PDE4B: variants seen among roughly 807,000 people sequenced by gnomAD.
The protein encoded by PDE4B is phosphodiesterase 4B, also known as 3',5'-cyclic-AMP phosphodiesterase 4B.
A neutral mutation model predicts 82.2 loss-of-function variants in PDE4B; 20 were observed. That is an observed-to-expected ratio of 0.24 (90% CI 0.17 to 0.35). PDE4B has a LOEUF of 0.35. Among genes scored for constraint, PDE4B ranks in the 10% least tolerant of loss-of-function variants. PDE4B has a pLI of 1.00. For synonymous variants in PDE4B, 320 were observed against 318.9 expected (o/e 1.00, Z -0.04); for missense variants, 655 against 907.2 (o/e 0.72, Z 3.57).
intron 1 of PDE4B, among the ~76,000 whole-genome samples, chr1:65,910,584 G>A (rs145577422): frequency 6.6e-6 from 1 of 152,264 alleles, no homozygotes; most frequent in East Asian, 1.9e-4. Context: ...CAAAGGGTAT[G>A]GGCAGGGTTG....
intron 3 of PDE4B, among the ~76,000 whole-genome samples, chr1:66,223,575 A>G (rs915510332): frequency 3.9e-5 from 6 of 151,920 alleles, no homozygotes; most frequent in African/African-American, 1.5e-4. Context: ...AATCATGGAG[A>G]TTTCCTCCAT....
intron 3 of PDE4B, among the ~76,000 whole-genome samples, chr1:65,988,194 A>C (rs953160544): frequency 6.6e-6 from 1 of 152,252 alleles, no homozygotes; most frequent in African/African-American, 2.4e-5. Flanking sequence ...AAAAAATGTA[A>C]GTTACATCTC....
At chr1:66,079,886 T>C (rs1656634112) in intron 3 of PDE4B, among the ~76,000 whole-genome samples, 1 of 152,130 alleles carries the variant, frequency 6.6e-6, no homozygotes, top group Non-Finnish European at 1.5e-5. Flanking sequence ...GAAATAAAAA[T>C]ACACATATAA....
At chr1:66,130,734 A>T (rs1246772681) in intron 3 of PDE4B, among the ~76,000 whole-genome samples, 1 of 152,232 alleles carries the variant, frequency 6.6e-6, no homozygotes, top group African/African-American at 2.4e-5. Context: ...CTGAAGGGTC[A>T]TCCCAGCTCC....
At chr1:66,155,855 A>G (rs1033418128) in intron 3 of PDE4B, among the ~76,000 whole-genome samples, 1 of 152,128 alleles carries the variant, frequency 6.6e-6, no homozygotes, top group African/African-American at 2.4e-5. Flanking sequence ...ATCATTACTG[A>G]CATTTATCAT....
At chr1:66,005,051 G>T (rs935668101) in intron 3 of PDE4B, among the ~76,000 whole-genome samples, 4 of 151,984 alleles carry the variant, frequency 2.6e-5, no homozygotes, top group Non-Finnish European at 5.9e-5. Flanking sequence ...GAAAGTAAGG[G>T]TACTCCATCA....
At chr1:66,340,081 T>A (rs1660861597) in intron 8 of PDE4B, among the ~76,000 whole-genome samples, 1 of 152,146 alleles carries the variant, frequency 6.6e-6, no homozygotes. Context: ...AGTCAATAGG[T>A]TTCACACTCT....
intron 3 of PDE4B, among the ~76,000 whole-genome samples, chr1:66,125,790 T>C (rs2101093313): frequency 6.6e-6 from 1 of 152,304 alleles, no homozygotes; most frequent in Non-Finnish European, 1.5e-5. Context: ...AAGCCACATA[T>C]ATTAACATTG....
intron 3 of PDE4B, among the ~76,000 whole-genome samples, chr1:65,977,574 C>T (rs1650474170): frequency 6.6e-6 from 1 of 152,148 alleles, no homozygotes; most frequent in South Asian, 2.1e-4. Flanking sequence ...ACTTTTTGTA[C>T]TTTGTGCACT....
chr1:66,150,873 G>C (rs1300733195), intron 3 of PDE4B, among the ~76,000 whole-genome samples: 1 of 152,050 alleles, frequency 6.6e-6, no homozygotes, highest in Non-Finnish European at 1.5e-5. Flanking sequence ...TTGGATTCCT[G>C]GGTTAAATCC....
chr1:66,091,791 T>C (rs1340580818), intron 3 of PDE4B, among the ~76,000 whole-genome samples: 2 of 152,088 alleles, frequency 1.3e-5, no homozygotes, highest in Admixed American at 6.6e-5. Flanking sequence ...TAAATAACTG[T>C]TAATGTATAC....
chr1:65,961,921 C>A (rs898484764), intron 3 of PDE4B, among the ~76,000 whole-genome samples: 1 of 152,102 alleles, frequency 6.6e-6, no homozygotes, highest in Admixed American at 6.6e-5. Context: ...CAGTTAAGTG[C>A]GGCTGAAGAG....
intron 3 of PDE4B, among the ~76,000 whole-genome samples, chr1:66,238,128 A>C (rs192273859): frequency 1.2e-3 from 181 of 152,316 alleles, no homozygotes; most frequent in Non-Finnish European, 1.8e-3. Flanking sequence ...AAACAAACAG[A>C]AAGACCAACA....
intron 7 of PDE4B, chr1:66,331,628 T>C (rs1421842510): frequency 2.7e-6 from 1 of 363,680 alleles, no homozygotes; most frequent in African/African-American, 2.2e-5. Flanking sequence ...GGCAACAAAT[T>C]GGAGCCCCCA....
chr1:65,840,723 C>G (rs962520347), intron 1 of PDE4B, among the ~76,000 whole-genome samples: 3 of 152,180 alleles, frequency 2.0e-5, no homozygotes, highest in African/African-American at 7.2e-5. Context: ...CTTCCTCTGT[C>G]CAAGGTCAGA....
At chr1:65,967,585 C>G (rs921650863) in intron 3 of PDE4B, among the ~76,000 whole-genome samples, 1 of 152,166 alleles carries the variant, frequency 6.6e-6, no homozygotes, top group Non-Finnish European at 1.5e-5. Flanking sequence ...TTTATTGCAG[C>G]ACTGTTCACA....
chr1:66,056,982 C>T (rs891920111), intron 3 of PDE4B, among the ~76,000 whole-genome samples: 1 of 152,190 alleles, frequency 6.6e-6, no homozygotes, highest in Non-Finnish European at 1.5e-5. Context: ...GCAATAAAAA[C>T]TAATACATGT....
At chr1:66,131,374 C>A (rs1645939227) in intron 3 of PDE4B, among the ~76,000 whole-genome samples, 1 of 149,836 alleles carries the variant, frequency 6.7e-6, no homozygotes, top group South Asian at 2.1e-4. Flanking sequence ...ATTGGAAGAT[C>A]AAAATAAAGA....
chr1:66,211,383 A>G (rs1650036555), intron 3 of PDE4B, among the ~76,000 whole-genome samples: 1 of 152,144 alleles, frequency 6.6e-6, no homozygotes, highest in Non-Finnish European at 1.5e-5. Context: ...CTCTCAGCTG[A>G]TGATGCTTCT....
Sources: allele counts gnomAD v4.1 joint callset (sites outside exome capture counted in the v4.1 genomes callset), GRCh38; gene constraint gnomAD v4.1.1; transcripts MANE v1.5; gene names NCBI Gene and HGNC (gene_info 2026-07-23, HGNC 2026-07-21).